Variants in HS3ST4 observed in about 807,000 individuals in gnomAD.
HS3ST4 encodes the protein heparan sulfate glucosamine 3-O-sulfotransferase 4.
Under a neutral mutation model 29.2 loss-of-function variants are expected in HS3ST4, and 17 were observed. That is an observed-to-expected ratio of 0.58 (90% confidence interval 0.40 to 0.87). HS3ST4 has a LOEUF of 0.87. HS3ST4 is among the 40% of genes least tolerant of loss of function. The pLI is 0.00. For missense variants in HS3ST4, 627 were observed against 634.5 expected, an observed-to-expected ratio of 0.99 and a Z score of 0.13; for synonymous variants, 314 against 285.7, an observed-to-expected ratio of 1.10 and a Z score of -1.00.
At chr16:25,789,305 TTC>T (rs1414726040) in intron 1 of HS3ST4, among the ~76,000 whole-genome samples, 1 of 151,852 alleles carries the variant, frequency 6.6e-6, no homozygotes, top group Non-Finnish European at 1.5e-5. Context: ...TCTTCTTTCT[TTC>T]TTTCTTTCTC....
intron 1 of HS3ST4, among the ~76,000 whole-genome samples, chr16:25,952,781 G>A (rs1596624482): frequency 2.0e-5 from 3 of 152,272 alleles, no homozygotes; most frequent in Admixed American, 2.0e-4. Flanking sequence ...CTCATACAGG[G>A]CTTGGGAATT....
intron 1 of HS3ST4, among the ~76,000 whole-genome samples, chr16:26,000,735 A>AT (rs768366012): frequency 6.6e-6 from 1 of 152,178 alleles, no homozygotes; most frequent in Non-Finnish European, 1.5e-5. Flanking sequence ...GTACTCTAGG[A>AT]AGAGTCAAAA....
chr16:26,085,822 T>C (rs1898779677), intron 1 of HS3ST4, among the ~76,000 whole-genome samples: 1 of 151,806 alleles, frequency 6.6e-6, no homozygotes, highest in Non-Finnish European at 1.5e-5. Context: ...TGCAGTGAGC[T>C]ATGATTGTGC....
In HS3ST4 at chr16:25,828,326, CTCTCTCTCTCTCTT is replaced by C. The variant is rs1407108425; in HGVS notation, c.734+135180_734+135193del. On this transcript the variant is annotated intron_variant, in intron 1 of 1. Coordinates refer to ENST00000331351, the MANE Select transcript of HS3ST4 (RefSeq NM_006040.3). ...CCTCTCTCTCTCTCTCTCTCTCTCTCTCTCTCTCTCTCTTTCTCCCTTTCTCTCTCTCTTTCCAG... is the reference window on the plus strand; with the variant it reads ...CCTCTCTCTCTCTCTCTCTCTCTCTCTCTCCCTTTCTCTCTCTCTTTCCAG... 1.9e-3 allele frequency among the ~76,000 whole-genome samples: 253 copies of C among 133,388 alleles called. 2 individuals are homozygous for C. Among genetic ancestry groups the C allele is most frequent in the Non-Finnish European group, 2.7e-3 (169 of 62,964 alleles). 87.5% of individuals were successfully genotyped at this position (133,388 alleles called of 152,430 possible). A position where few individuals can be genotyped will look rare whatever the true frequency, so the allele number is the denominator to read the frequency against.
chr16:25,879,631 A>C (rs146446663), intron 1 of HS3ST4, among the ~76,000 whole-genome samples: 118 of 152,212 alleles, frequency 7.8e-4, no homozygotes, highest in African/African-American at 2.7e-3. Context: ...GGGAGCTACA[A>C]GATTAGATTT....
intron 1 of HS3ST4, among the ~76,000 whole-genome samples, chr16:25,962,093 T>A (rs771799294): frequency 6.6e-6 from 1 of 152,204 alleles, no homozygotes; most frequent in African/African-American, 2.4e-5. Context: ...TGCAGACAAG[T>A]AGGCCTTGAA....
intron 1 of HS3ST4, among the ~76,000 whole-genome samples, chr16:25,998,347 CAGAG>C (rs1969175118): frequency 6.6e-6 from 1 of 152,130 alleles, no homozygotes; most frequent in Non-Finnish European, 1.5e-5. Context: ...TACGGTAGTG[CAGAG>C]AGAGATTATC....
chr16:26,062,615 T>G (rs1168385652), intron 1 of HS3ST4: 1 of 152,178 alleles, frequency 6.6e-6, no homozygotes, highest in African/African-American at 2.4e-5. Context: ...GTATAGTTTT[T>G]TTTTTTTTTT....
intron 1 of HS3ST4, among the ~76,000 whole-genome samples, chr16:26,127,743 T>C (rs1381976083): frequency 6.6e-6 from 1 of 152,160 alleles, no homozygotes; most frequent in Admixed American, 6.5e-5. Flanking sequence ...GTATCTACCT[T>C]CTCAGCCTGC....
rs188989819 is a variant in HS3ST4, at chr16:26,099,021, C to T, written c.735-36591C>T. On this transcript the variant is annotated intron_variant, in intron 1 of 1. Coordinates refer to ENST00000331351, the MANE Select transcript of HS3ST4 (RefSeq NM_006040.3). ...CAAAATCAGCCTCTGGGAAACCCTG[C>T]TGATGACTACAGAACCCCAGACTCA... Among the ~76,000 whole-genome samples the T allele has an allele frequency of 9.0e-3, 1,374 of 152,306 alleles. 17 individuals carry two copies. Among genetic ancestry groups the T allele is most frequent in the African/African-American group, 0.032 (1,327 of 41,554 alleles).
intron 1 of HS3ST4, among the ~76,000 whole-genome samples, chr16:25,948,981 G>A (rs953040480): frequency 1.2e-4 from 19 of 152,080 alleles, no homozygotes; most frequent in Admixed American, 7.9e-4. Flanking sequence ...CTTTGCAGAT[G>A]ATATTTATGA....
At chr16:25,900,628 C>T (rs934336105) in intron 1 of HS3ST4, among the ~76,000 whole-genome samples, 5 of 151,956 alleles carry the variant, frequency 3.3e-5, no homozygotes, top group Admixed American at 2.6e-4. Flanking sequence ...GTTATTGCTC[C>T]CTTATTACCC....
rs921112168 is a variant in HS3ST4 at position 25,871,547 on chromosome 16, G to A, written c.734+178396G>A. On this transcript the variant is annotated intron_variant, in intron 1 of 1. Coordinates refer to ENST00000331351, the MANE Select transcript of HS3ST4 (RefSeq NM_006040.3). ...ATATAGTGCTTATGATGGTGAACCC[G>A]GTACTTGTACGTATGTGTATTACCT... Among the ~76,000 whole-genome samples, 13 of 152,008 alleles carry A rather than the reference G, an allele frequency of 8.6e-5. 1 individual carries two copies. Among genetic ancestry groups the A allele is most frequent in the African/African-American group, 2.7e-4 (11 of 41,368 alleles).
intron 1 of HS3ST4, among the ~76,000 whole-genome samples, chr16:25,710,808 C>CTT (rs34759495): frequency 0.21 from 9,997 of 48,538 alleles, 2,405 homozygotes; most frequent in South Asian, 0.47. Flanking sequence ...GCATATTATC[C>CTT]TTTTTTTTTT....
chr16:25,989,897 C>T (rs954955954), intron 1 of HS3ST4, among the ~76,000 whole-genome samples: 1 of 152,176 alleles, frequency 6.6e-6, no homozygotes, highest in Non-Finnish European at 1.5e-5. Context: ...ACCGGAAGTC[C>T]ATAGTTTACC....
At chr16:25,952,535 A>G (rs1008873235) in intron 1 of HS3ST4, among the ~76,000 whole-genome samples, 2 of 152,210 alleles carry the variant, frequency 1.3e-5, no homozygotes, top group Admixed American at 6.5e-5. Flanking sequence ...TTCATTTGTA[A>G]GAAGGAAATT....
intron 1 of HS3ST4, among the ~76,000 whole-genome samples, chr16:26,076,728 G>T (rs532902405): frequency 6.6e-6 from 1 of 152,308 alleles, no homozygotes; most frequent in East Asian, 1.9e-4. Flanking sequence ...GGGGTATGAG[G>T]ATGGTAGGAA....
At chr16:25,971,092 T>G (rs1242765359) in intron 1 of HS3ST4, among the ~76,000 whole-genome samples, 1 of 152,060 alleles carries the variant, frequency 6.6e-6, no homozygotes, top group Non-Finnish European at 1.5e-5. Context: ...CTCAAGTGAT[T>G]TGCCCACCTC....
chr16:25,962,635 A>G (rs773471879), intron 1 of HS3ST4, among the ~76,000 whole-genome samples: 1 of 152,284 alleles, frequency 6.6e-6, no homozygotes, highest in African/African-American at 2.4e-5. Flanking sequence ...CAGCCCCTTC[A>G]TCATTTGGCT....
Sources: allele counts gnomAD v4.1 joint callset (sites outside exome capture counted in the v4.1 genomes callset), GRCh38; gene constraint gnomAD v4.1.1; transcripts MANE v1.5; gene names NCBI Gene and HGNC (gene_info 2026-07-23, HGNC 2026-07-21).